The following LSAMP variants were observed in gnomAD, a reference collection of about 807,000 sequenced individuals.
LSAMP encodes limbic system associated membrane protein.
LSAMP carries 7 observed loss-of-function variants against 38.6 expected under a neutral mutation model. The ratio of observed to expected loss-of-function variants is 0.18; its 90% CI spans 0.10 to 0.34. LSAMP has a LOEUF of 0.34. Among genes scored for constraint, LSAMP ranks in the 10% least tolerant of loss-of-function variants. The pLI, the probability that LSAMP is intolerant of heterozygous loss-of-function variation, is 1.00. For missense variants in LSAMP, 313 were observed against 420.0 expected, an observed-to-expected ratio of 0.75 and a Z score of 2.23; for synonymous variants, 154 against 166.8, an observed-to-expected ratio of 0.92 and a Z score of 0.59.
chr3:116,086,696 C>A, intron 1 of LSAMP, 140 bp from the exon 2 acceptor site: 1 of 676,832 alleles, frequency 1.5e-6, no homozygotes, highest in Admixed American at 2.7e-5. Flanking sequence ...TTCTTGGAGT[C>A]CTTAGAATTT....
chr3:116,286,475 A>G (rs1210072652), intron 1 of LSAMP, among the ~76,000 whole-genome samples: 1 of 152,198 alleles, frequency 6.6e-6, no homozygotes, highest in Non-Finnish European at 1.5e-5. Context: ...GGAAAGGCAC[A>G]GCTCTCATAG....
intron 3 of LSAMP, among the ~76,000 whole-genome samples, chr3:115,883,122 A>AT (rs1936364709): frequency 6.6e-6 from 1 of 152,016 alleles, no homozygotes; most frequent in African/African-American, 2.4e-5. Flanking sequence ...CATTATTTAT[A>AT]TTTTTCTCAG....
chr3:116,291,782 A>G (rs1485556721), intron 1 of LSAMP, among the ~76,000 whole-genome samples: 1 of 152,164 alleles, frequency 6.6e-6, no homozygotes, highest in Non-Finnish European at 1.5e-5. Context: ...AGTGACCCCC[A>G]TTTGTAAAAC....
At position 116,236,134 on chromosome 3, in the gene LSAMP, C is replaced by A. The variant is rs1350214705; in HGVS notation, c.156-149578G>T. 1.2e-4 allele frequency among the ~76,000 whole-genome samples: 18 copies of A among 151,874 alleles called. No individual in the cohort carries two copies. The East Asian group carries it at 3.5e-3, about 29-fold the overall frequency. On this transcript the variant is annotated intron_variant, in intron 1 of 6. Coordinates refer to ENST00000490035, the MANE Select transcript of LSAMP (RefSeq NM_002338.5). ...GATTCATTGGTAACTAGGAAAAAAA[C>A]CCAACTTTGTAGTGAATCCATTTTT... is the stretch of plus-strand genomic sequence containing the variant.
chr3:116,372,923 A>G lies in LSAMP; in HGVS notation c.155+71954T>C, dbSNP rs936951041. Reference sequence around the variant, plus strand: ...GTGAAGAAGCAAATAAATTAAAACAATTTTGCACCGGTGGTAGGAATGTAA... The same window carrying G: ...GTGAAGAAGCAAATAAATTAAAACAGTTTTGCACCGGTGGTAGGAATGTAA... On this transcript the variant is annotated intron_variant, in intron 1 of 6. Coordinates refer to ENST00000490035, the MANE Select transcript of LSAMP (RefSeq NM_002338.5). Among the ~76,000 whole-genome samples the G allele has an allele frequency of 4.0e-5, 6 of 151,296 alleles. No individual in the cohort carries two copies. In the East Asian group the frequency reaches 1.2e-3, roughly 30 times the overall value.
intron 2 of LSAMP, among the ~76,000 whole-genome samples, chr3:116,069,541 G>A (rs1358323005): frequency 6.8e-6 from 1 of 147,248 alleles, no homozygotes; most frequent in African/African-American, 2.5e-5. Flanking sequence ...GTGGGTGTGA[G>A]AGATACCACT....
chr3:116,149,091 G>A (rs1039088078), intron 1 of LSAMP, among the ~76,000 whole-genome samples: 1 of 151,932 alleles, frequency 6.6e-6, no homozygotes, highest in Non-Finnish European at 1.5e-5. Context: ...TACAGTTAGC[G>A]GTTTGAGTAC....
chr3:116,171,916 C>CT (rs1204546190), intron 1 of LSAMP, among the ~76,000 whole-genome samples: 1 of 152,014 alleles, frequency 6.6e-6, no homozygotes, highest in Non-Finnish European at 1.5e-5. Flanking sequence ...AAAAGGAAGA[C>CT]TGAATAGGCA....
rs553417740 is a variant in LSAMP at position 116,232,787 on chromosome 3, A to T, written c.156-146231T>A. 2.5e-4 allele frequency among the ~76,000 whole-genome samples: 36 copies of T among 146,548 alleles called. No homozygotes were observed. The South Asian group carries it at 4.6e-3, about 19-fold the overall frequency. On this transcript the variant is annotated intron_variant, in intron 1 of 6. Transcript: ENST00000490035. ...AGATGAGCATAGGTCTTAAACACAG[A>T]GGAAGTAGAACTATTAGGTTAAATG...
intron 1 of LSAMP, among the ~76,000 whole-genome samples, chr3:116,274,195 A>C (rs1381650338): frequency 6.6e-6 from 1 of 152,118 alleles, no homozygotes; most frequent in Non-Finnish European, 1.5e-5. Context: ...CATGTGCTAG[A>C]ATTTGGCAAA....
At chr3:116,258,653 G>A (rs1329442298) in intron 1 of LSAMP, among the ~76,000 whole-genome samples, 2 of 152,052 alleles carry the variant, frequency 1.3e-5, no homozygotes, top group African/African-American at 4.8e-5. Flanking sequence ...TCCACAGTTT[G>A]AATCAATGAA....
At chr3:115,881,346 C>T (rs1186636686) in intron 3 of LSAMP, among the ~76,000 whole-genome samples, 2 of 152,130 alleles carry the variant, frequency 1.3e-5, no homozygotes, top group East Asian at 3.9e-4. Flanking sequence ...TGAGGACTAG[C>T]TTGGACCCAT....
rs140272262 is a variant in LSAMP, at chr3:115,879,351, G to T, written c.515-26734C>A. ...CATAAATACACAAATAAAACCCAAA[G>T]ATAAAGTTTAAACTTTATACTAGTA... On this transcript the variant is annotated intron_variant, in intron 3 of 6. Transcript: ENST00000490035. Among the ~76,000 whole-genome samples the T allele has an allele frequency of 2.7e-4, 41 of 152,128 alleles. 1 individual carries two copies. The East Asian group carries it at 7.7e-3, about 29-fold the overall frequency.
intron 1 of LSAMP, among the ~76,000 whole-genome samples, chr3:116,131,690 C>G (rs945509084): frequency 3.3e-5 from 5 of 152,144 alleles, no homozygotes; most frequent in Admixed American, 3.3e-4. Context: ...CAATAATCTT[C>G]CTCGTTGCTT....
intron 1 of LSAMP, among the ~76,000 whole-genome samples, chr3:116,423,397 T>C (rs1461519588): frequency 6.6e-6 from 1 of 152,192 alleles, no homozygotes; most frequent in Non-Finnish European, 1.5e-5. Context: ...CAAAGTTGTT[T>C]TCTCTAGAGT....
chr3:116,164,588 T>C (rs1457562336), intron 1 of LSAMP, among the ~76,000 whole-genome samples: 1 of 101,702 alleles, frequency 9.8e-6, no homozygotes, highest in Non-Finnish European at 2.0e-5. Flanking sequence ...TATATATATA[T>C]ATATATAATC....
intron 4 of LSAMP, among the ~76,000 whole-genome samples, chr3:115,850,780 G>C (rs1468134689): frequency 6.6e-6 from 1 of 152,180 alleles, no homozygotes; most frequent in Non-Finnish European, 1.5e-5. Flanking sequence ...TTTGCTGCTT[G>C]TTTCAGAGGT....
chr3:116,331,086 C>T (rs982551180), intron 1 of LSAMP, among the ~76,000 whole-genome samples: 1 of 151,586 alleles, frequency 6.6e-6, no homozygotes, highest in Admixed American at 6.6e-5. Flanking sequence ...AAACAAATTA[C>T]GGAGCTGAAA....
At chr3:116,041,763 G>A (rs1291843917) in intron 2 of LSAMP, among the ~76,000 whole-genome samples, 1 of 138,908 alleles carries the variant, frequency 7.2e-6, no homozygotes, top group Non-Finnish European at 1.5e-5. Flanking sequence ...TCATACATAT[G>A]TTTTGGGAAC....
Sources: gnomAD v4.1 joint callset for allele counts (sites outside exome capture counted in the v4.1 genomes callset) on GRCh38, gnomAD v4.1.1 for gene constraint, MANE v1.5 for transcripts, NCBI Gene and HGNC (gene_info 2026-07-23, HGNC 2026-07-21) for gene names.